Variants in AGO1 observed in about 807,000 individuals in gnomAD.
AGO1 encodes the protein argonaute RISC component 1, also known as protein argonaute-1.
Under a neutral mutation model 109.2 loss-of-function variants are expected in AGO1, and 11 were observed. The observed-to-expected ratio is 0.10, with a 90% CI of 0.06 to 0.17. The LOEUF is 0.17. AGO1 is among the 10% of genes least tolerant of loss of function. The pLI is 1.00. For synonymous variants in AGO1, 422 were observed against 418.6 expected, an observed-to-expected ratio of 1.01 and a Z score of -0.10; for missense variants, 574 against 1,140.3, an observed-to-expected ratio of 0.50 and a Z score of 7.15.
upstream of AGO1, chr1:35,882,786 T>C: frequency 1.0e-6 from 1 of 985,134 alleles, no homozygotes; most frequent in Non-Finnish European, 1.2e-6. The surrounding 1 kb of genome is among the most constrained non-coding windows in gnomAD (Gnocchi z 5.1). Flanking sequence ...AGGCAGTCGC[T>C]TTGCAGCCAA....
At chr1:35,894,238 G>C in intron 6 of AGO1, 67 bp downstream of exon 6, 1 of 1,590,976 alleles carries the variant, frequency 6.3e-7, no homozygotes, top group South Asian at 1.1e-5. Context: ...TCCCCTTGGG[G>C]TATGCTCAGG....
chr1:35,900,716 A>G (rs1645398713), intron 8 of AGO1, among the ~76,000 whole-genome samples: 1 of 151,936 alleles, frequency 6.6e-6, no homozygotes. Context: ...AAGAAGAGCA[A>G]AACTCCCTCT....
At chr1:35,909,493 A>G (rs1645594017) in intron 12 of AGO1, among the ~76,000 whole-genome samples, 1 of 152,246 alleles carries the variant, frequency 6.6e-6, no homozygotes, top group Non-Finnish European at 1.5e-5. Context: ...TGTTGTACAC[A>G]TCATTTGCCT....
chr1:35,902,676 T>C (rs970534700), intron 11 of AGO1, among the ~76,000 whole-genome samples: 16 of 152,354 alleles, frequency 1.1e-4, no homozygotes, highest in Middle Eastern at 3.4e-3. Context: ...ACCTAATTTA[T>C]ATTCTCTTAT....
Position 35,917,624 on chromosome 1 carries a change from A to G in AGO1, c.2060A>G (p.Asp687Gly). The change falls in exon 16 of 19, where the codon GAT becomes GGT. Residue 687 changes from aspartate (D) to glycine (G), a missense_variant. Coordinates refer to ENST00000373204, the MANE Select transcript of AGO1 (RefSeq NM_012199.5). ...ILHYELLAIRDACIKLEKDYQ... is the reference protein window; with the variant it reads ...ILHYELLAIRGACIKLEKDYQ... ...CACTATGAGCTACTGGCCATTCGTG[A>G]TGCCTGCATCAAACTGGAAAAGGAC... 1 of 1,613,480 alleles carries G rather than the reference A, an allele frequency of 6.2e-7. No individual in the cohort carries two copies. Among genetic ancestry groups the G allele is most frequent in the South Asian group, 1.1e-5 (1 of 91,028 alleles).
At chr1:35,887,660 C>CTT (rs138030683) in intron 1 of AGO1, among the ~76,000 whole-genome samples, 37 of 149,202 alleles carry the variant, frequency 2.5e-4, no homozygotes, top group Non-Finnish European at 4.3e-4. Flanking sequence ...TTTATTCAAG[C>CTT]TTTTTTTTTT....
At position 35,892,550 on chromosome 1, in the gene AGO1, C is replaced by T; in HGVS notation, c.210-7C>T. On this transcript the variant is annotated splice_polypyrimidine_tract_variant and splice_region_variant and intron_variant, in intron 2 of 18. Transcript: ENST00000373204. Reference sequence around the variant, plus strand: ...CAGCTTCCACAGGCCACTCCTATCCCCCACAGGGAAGTGGTGGAATACATG... The same window carrying T: ...CAGCTTCCACAGGCCACTCCTATCCTCCACAGGGAAGTGGTGGAATACATG... 6.2e-7 allele frequency: 1 copy of T among 1,614,206 alleles called. No homozygotes were observed. Among genetic ancestry groups the T allele is most frequent in the South Asian group, 1.1e-5 (1 of 91,078 alleles).
chr1:35,903,423 T>C (rs794222), intron 11 of AGO1, among the ~76,000 whole-genome samples: 35,513 of 151,936 alleles, frequency 0.23, 6,837 homozygotes, highest in East Asian at 0.69. Context: ...GTGGTTGCTT[T>C]TCATATTCTC....
intron 1 of AGO1, among the ~76,000 whole-genome samples, chr1:35,885,340 G>A (rs915955578): frequency 9.9e-5 from 15 of 152,174 alleles, no homozygotes; most frequent in African/African-American, 2.9e-4. Flanking sequence ...GCTCTGGAGT[G>A]ATGAAAAATT....
intron 1 of AGO1, among the ~76,000 whole-genome samples, chr1:35,876,988 CT>C (rs1287582584): frequency 6.6e-6 from 1 of 152,196 alleles, no homozygotes; most frequent in Non-Finnish European, 1.5e-5. Context: ...GGATCTTACT[CT>C]ATTGCCTGTG....
At chr1:35,903,372 A>G (rs1365040843) in intron 11 of AGO1, among the ~76,000 whole-genome samples, 1 of 151,626 alleles carries the variant, frequency 6.6e-6, no homozygotes, top group Non-Finnish European at 1.5e-5. Context: ...GTTGTTTCAT[A>G]GATACAACAT....
In AGO1 at chr1:35,910,958, C is replaced by T. The variant is rs377356746; in HGVS notation, c.1583-2884C>T. ...GCGGGCGCCTGTAATCCCAGCTACT[C>T]GGGAGGCTGAGGCCGGAGAATTGCT... On this transcript the variant is annotated intron_variant, in intron 12 of 18. Transcript: ENST00000373204. Among the ~76,000 whole-genome samples, 15 of 152,136 alleles carry T rather than the reference C, an allele frequency of 9.9e-5. No homozygotes were observed. The East Asian group carries it at 1.7e-3, about 18-fold the overall frequency.
chr1:35,900,983 C>CTTT (rs1161684689), intron 8 of AGO1, among the ~76,000 whole-genome samples: 4 of 140,772 alleles, frequency 2.8e-5, no homozygotes, highest in Non-Finnish European at 4.7e-5. Context: ...TTGAATTGCC[C>CTTT]TTTTTTTTTT....
At chr1:35,905,634 GT>G (rs911228538) in intron 11 of AGO1, among the ~76,000 whole-genome samples, 1 of 151,504 alleles carries the variant, frequency 6.6e-6, no homozygotes, top group African/African-American at 2.4e-5. Flanking sequence ...GCCCGGCTAG[GT>G]TTTTTTTGTA....
intron 2 of AGO1, among the ~76,000 whole-genome samples, chr1:35,891,044 G>GC (rs1219614834): frequency 6.6e-6 from 1 of 152,150 alleles, no homozygotes; most frequent in Non-Finnish European, 1.5e-5. Context: ...TATTAGAGCT[G>GC]CTTCCTGGTA....
chr1:35,880,898 G>C (rs1645029661), upstream of AGO1, among the ~76,000 whole-genome samples: 1 of 152,172 alleles, frequency 6.6e-6, no homozygotes, highest in Admixed American at 6.5e-5. Context: ...GACCTCAGGT[G>C]ATCTGCCTGC....
At chr1:35,918,028 C>A (rs909332143) in intron 16 of AGO1, among the ~76,000 whole-genome samples, 1 of 152,212 alleles carries the variant, frequency 6.6e-6, no homozygotes, top group South Asian at 2.1e-4. Flanking sequence ...CTCCTATGTG[C>A]CAGATACTGT....
At chr1:35,895,872 T>G (rs1046155259) in intron 8 of AGO1, among the ~76,000 whole-genome samples, 2 of 152,236 alleles carry the variant, frequency 1.3e-5, no homozygotes, top group Non-Finnish European at 2.9e-5. Context: ...GAGAAACTAC[T>G]GCCTACTGCT....
intron 11 of AGO1, among the ~76,000 whole-genome samples, chr1:35,906,004 T>C (rs1013935629): frequency 6.6e-6 from 1 of 152,232 alleles, no homozygotes; most frequent in Admixed American, 6.5e-5. Context: ...TCTCTTCTTG[T>C]ACATTGTTTT....
Sources: allele counts gnomAD v4.1 joint callset (sites outside exome capture counted in the v4.1 genomes callset), GRCh38; gene constraint gnomAD v4.1.1; non-coding constraint Gnocchi (gnomAD v3.1); transcripts MANE v1.5; gene names NCBI Gene and HGNC (gene_info 2026-07-23, HGNC 2026-07-21).